NRG1: variants seen among roughly 807,000 people sequenced by gnomAD.
The protein encoded by NRG1 is pro-neuregulin-1, membrane-bound isoform.
In NRG1, 18 loss-of-function variants were observed where a neutral mutation model predicts 63.8. That is an observed-to-expected ratio of 0.28 (90% confidence interval 0.19 to 0.42). NRG1 has a LOEUF of 0.42. Ranked by LOEUF, NRG1 falls within the 10% of genes least tolerant of loss-of-function variation. The probability of loss-of-function intolerance (pLI) is 1.00; values close to 1 mark genes in which losing one functional copy is unlikely to be tolerated. For synonymous variants in NRG1, 302 were observed against 301.3 expected (o/e 1.00, Z -0.02); for missense variants, 762 against 814.7 (o/e 0.94, Z 0.79).
At chr8:32,677,322 T>A (rs1168025105) in intron 5 of NRG1, among the ~76,000 whole-genome samples, 1 of 152,216 alleles carries the variant, frequency 6.6e-6, no homozygotes, top group Non-Finnish European at 1.5e-5. Flanking sequence ...ACACTACAGA[T>A]GACTATTAAA....
intron 8 of NRG1, among the ~76,000 whole-genome samples, 191 bp downstream of exon 8, chr8:32,754,665 T>C (rs1254867002): frequency 6.6e-6 from 1 of 152,102 alleles, no homozygotes; most frequent in African/African-American, 2.4e-5. Flanking sequence ...GAAAGCTGTT[T>C]GCCTATTCAT....
chr8:31,708,950 C>T (rs1291267812), intron 1 of NRG1, among the ~76,000 whole-genome samples: 2 of 152,122 alleles, frequency 1.3e-5, no homozygotes, highest in Non-Finnish European at 2.9e-5. Context: ...GACTGGAAGC[C>T]ATACTGATAA....
At chr8:32,456,876 C>T (rs1191859959) in intron 1 of NRG1, among the ~76,000 whole-genome samples, 1 of 152,032 alleles carries the variant, frequency 6.6e-6, no homozygotes, top group African/African-American at 2.4e-5. Flanking sequence ...TCACGTCTAT[C>T]ATCCCAGCAC....
intron 8 of NRG1, among the ~76,000 whole-genome samples, chr8:32,754,919 C>T (rs1829405708): frequency 6.6e-6 from 1 of 152,112 alleles, no homozygotes; most frequent in Non-Finnish European, 1.5e-5. Flanking sequence ...TGCAGTAGTA[C>T]CTTCAGTTCA....
chr8:32,403,991 C>A (rs1030643249), intron 1 of NRG1, among the ~76,000 whole-genome samples: 9 of 152,190 alleles, frequency 5.9e-5, no homozygotes, highest in Non-Finnish European at 1.3e-4. Flanking sequence ...AACAAATGTT[C>A]ACCTACTATA....
intron 1 of NRG1, among the ~76,000 whole-genome samples, chr8:32,201,183 C>G (rs550990855): frequency 6.6e-6 from 1 of 152,212 alleles, no homozygotes; most frequent in East Asian, 1.9e-4. Context: ...TGTTATAATT[C>G]TTATGCATTG....
intron 1 of NRG1, among the ~76,000 whole-genome samples, chr8:31,645,287 T>G (rs1052423084): frequency 1.2e-4 from 19 of 152,328 alleles, no homozygotes; most frequent in African/African-American, 4.6e-4. Flanking sequence ...TCTGTTGAAA[T>G]CTAATGTTGA....
At chr8:32,233,563 A>ATTTT (rs1554660617) in intron 1 of NRG1, among the ~76,000 whole-genome samples, 29 of 67,234 alleles carry the variant, frequency 4.3e-4, no homozygotes, top group Admixed American at 1.3e-3. Context: ...ATATATATAT[A>ATTTT]TTTTTTTTTT....
At chr8:31,953,474 G>T (rs1803822329) in intron 1 of NRG1, among the ~76,000 whole-genome samples, 1 of 152,150 alleles carries the variant, frequency 6.6e-6, no homozygotes, top group East Asian at 1.9e-4. Context: ...GATACTTAAA[G>T]TGAAGAGAAA....
At chr8:32,189,874 G>C (rs1024234410) in intron 1 of NRG1, among the ~76,000 whole-genome samples, 1 of 152,044 alleles carries the variant, frequency 6.6e-6, no homozygotes, top group African/African-American at 2.4e-5. Context: ...TTAGACACAT[G>C]GTTATAGAAG....
At chr8:31,709,518 T>A (rs1298393942) in intron 1 of NRG1, among the ~76,000 whole-genome samples, 1 of 152,086 alleles carries the variant, frequency 6.6e-6, no homozygotes, top group African/African-American at 2.4e-5. Flanking sequence ...GGGGCTATTT[T>A]AAAATGCTGG....
intron 1 of NRG1, among the ~76,000 whole-genome samples, chr8:31,761,293 G>A (rs944973985): frequency 1.3e-5 from 2 of 152,022 alleles, no homozygotes; most frequent in African/African-American, 4.8e-5. Context: ...CACACTCTGG[G>A]GACTGTTGTG....
Position 32,083,849 on chromosome 8 carries a change from A to G in NRG1, c.37+444418A>G, listed in dbSNP as rs1563766895. Among the ~76,000 whole-genome samples, 4 of 152,292 alleles carry G rather than the reference A, an allele frequency of 2.6e-5. No individual in the cohort carries two copies. The East Asian group carries it at 7.7e-4, about 29-fold the overall frequency. ...TGGATATTTACATTTCATGTAGACC[A>G]TAATGGTAGCGGTAATTATAGAAAT... On this transcript the variant is annotated intron_variant, in intron 1 of 10. Coordinates refer to the NRG1 transcript ENST00000519301.
chr8:31,741,995 A>G (rs1815323315), intron 1 of NRG1, among the ~76,000 whole-genome samples: 1 of 152,078 alleles, frequency 6.6e-6, no homozygotes, highest in African/African-American at 2.4e-5. Flanking sequence ...GCAGATAGAT[A>G]GGAGTGCTAT....
intron 1 of NRG1, among the ~76,000 whole-genome samples, chr8:31,730,591 C>T (rs1316077049): frequency 6.6e-6 from 1 of 151,996 alleles, no homozygotes; most frequent in Non-Finnish European, 1.5e-5. Flanking sequence ...AGTTAGATTC[C>T]TATCTTACAA....
intron 1 of NRG1, among the ~76,000 whole-genome samples, chr8:31,875,408 T>C (rs764401618): frequency 1.3e-4 from 20 of 152,230 alleles, no homozygotes; most frequent in Non-Finnish European, 2.6e-4. Context: ...GGCCACTTTA[T>C]AATGAATTTC....
At chr8:31,783,314 TA>T (rs1180503070) in intron 1 of NRG1, among the ~76,000 whole-genome samples, 1 of 152,206 alleles carries the variant, frequency 6.6e-6, no homozygotes, top group Admixed American at 6.5e-5. Context: ...TTGTGTTTTA[TA>T]GCAATAGTTT....
At chr8:32,529,320 C>T (rs1486136755) in intron 1 of NRG1, among the ~76,000 whole-genome samples, 1 of 152,202 alleles carries the variant, frequency 6.6e-6, no homozygotes, top group Non-Finnish European at 1.5e-5. Context: ...GGAAGTTGCT[C>T]TGGGTGTCAG....
At chr8:32,449,491 A>G (rs1820704436) in intron 1 of NRG1, among the ~76,000 whole-genome samples, 1 of 152,038 alleles carries the variant, frequency 6.6e-6, no homozygotes, top group African/African-American at 2.4e-5. Flanking sequence ...TTCAGGTGTA[A>G]GACTTCTTTG....
Sources: gnomAD v4.1 joint callset for allele counts (sites outside exome capture counted in the v4.1 genomes callset) on GRCh38, gnomAD v4.1.1 for gene constraint, MANE v1.5 for transcripts, NCBI Gene and HGNC (gene_info 2026-07-23, HGNC 2026-07-21) for gene names.